Variants in ATP1A3 observed in about 807,000 individuals in gnomAD.
The protein encoded by ATP1A3 is sodium/potassium-transporting ATPase subunit alpha-3.
ATP1A3 carries 12 observed loss-of-function variants against 108.8 expected under a neutral mutation model. That is an observed-to-expected ratio of 0.11 (90% CI 0.07 to 0.18). The LOEUF (loss-of-function observed/expected upper bound fraction) is 0.18. ATP1A3 is among the 10% of genes least tolerant of loss of function. ATP1A3 has a pLI of 1.00. For missense variants in ATP1A3, 498 were observed against 1,387.7 expected (o/e 0.36, Z 10.19); for synonymous variants, 539 against 564.5 (o/e 0.95, Z 0.64).
rs1226907239 is a variant in ATP1A3 at position 41,985,355 on chromosome 19, G to A, written c.675C>T (p.Asn225=). 19 of 1,614,058 alleles carry A rather than the reference G, an allele frequency of 1.2e-5. No homozygotes were observed. Among genetic ancestry groups the A allele is most frequent in the Non-Finnish European group, 1.5e-5 (18 of 1,180,000 alleles). The change falls in exon 7 of 23, where the codon AAC becomes AAT. Residue 225 remains asparagine, a synonymous_variant. Coordinates refer to ENST00000648268, the MANE Select transcript of ATP1A3 (RefSeq NM_152296.5). The surrounding 1 kb of genome is among the most constrained non-coding windows in gnomAD (Gnocchi z 8.2). ...QTRSPDCTHD[N]PLETRNITFF... ...AGGTGATGTTCCGAGTCTCCAAGGG[G>A]TTGTCGTGAGTGCAGTCGGGAGAGC...
intron 16 of ATP1A3, among the ~76,000 whole-genome samples, chr19:41,972,878 G>A (rs1555860256): frequency 7.0e-6 from 1 of 143,144 alleles, no homozygotes; most frequent in Non-Finnish European, 1.5e-5. Context: ...AGGAAGGCAG[G>A]CAGGCAGGGA....
At chr19:41,986,482 G>A (rs782590063) in intron 4 of ATP1A3, 45 of 388,438 alleles carry the variant, frequency 1.2e-4, no homozygotes, top group Middle Eastern at 8.2e-4. Context: ...TCACTCTGTC[G>A]CCCAGGCTGG....
At chr19:41,975,849 C>T in intron 15 of ATP1A3, 52 bp from the exon 16 acceptor site, 1 of 1,611,594 alleles carries the variant, frequency 6.2e-7, no homozygotes, top group Non-Finnish European at 8.5e-7. Flanking sequence ...CCCAGAGTCC[C>T]CTCCCTCAGA....
intron 8 of ATP1A3, among the ~76,000 whole-genome samples, chr19:41,983,603 AATT>A (rs1196350965): frequency 6.7e-4 from 97 of 144,782 alleles, no homozygotes; most frequent in African/African-American, 2.2e-3. Flanking sequence ...TTATTATAAT[AATT>A]ATTATTATTA....
chr19:41,981,381 A>C lies in ATP1A3; in HGVS notation c.1437+121T>G. 6.7e-7 allele frequency: 1 copy of C among 1,486,856 alleles called. No homozygotes were observed. The highest frequency in any genetic ancestry group is 9.3e-7 in the Non-Finnish European group (1 of 1,072,866). The allele number at this position is 1,486,856 out of a possible 1,614,324, so 92.1% of individuals were successfully genotyped here. A position where few individuals can be genotyped will look rare whatever the true frequency, so the allele number is the denominator to read the frequency against. ...TCAAGCTCTCCCTGTTCCTCTCCCC[A>C]CCAGGCGGGTATTATCATTCCCATT... On this transcript the variant is annotated intron_variant, in intron 11 of 22. Coordinates refer to ENST00000648268, the MANE Select transcript of ATP1A3 (RefSeq NM_152296.5). This position sits in a 1 kb window ranked among gnomAD's most constrained non-coding sequence, Gnocchi z 5.0.
At chr19:41,972,909 G>A (rs1405721711) in intron 16 of ATP1A3, among the ~76,000 whole-genome samples, 2 of 151,056 alleles carry the variant, frequency 1.3e-5, no homozygotes, top group African/African-American at 4.9e-5. Flanking sequence ...GAGGAAGGGA[G>A]GGAGGGAGGG....
At chr19:41,983,932 G>A (rs1478633472) in intron 8 of ATP1A3, among the ~76,000 whole-genome samples, 3 of 151,470 alleles carry the variant, frequency 2.0e-5, no homozygotes, top group African/African-American at 4.8e-5. Flanking sequence ...CCATCACCAC[G>A]CCTGGCTAAT....
At chr19:41,991,105 A>G (rs1307036955) in intron 1 of ATP1A3, among the ~76,000 whole-genome samples, 2 of 141,442 alleles carry the variant, frequency 1.4e-5, no homozygotes, top group African/African-American at 2.7e-5. Context: ...GCGGATGGGG[A>G]GGGCAGTGTC....
At chr19:41,991,518 A>G (rs1568868921) in intron 1 of ATP1A3, among the ~76,000 whole-genome samples, 1 of 151,934 alleles carries the variant, frequency 6.6e-6, no homozygotes, top group Non-Finnish European at 1.5e-5. Flanking sequence ...CAGGATGGAG[A>G]GACATGGAGA....
chr19:41,970,379 A>C lies in ATP1A3; in HGVS notation c.2418+9T>G, dbSNP rs950336124. ...CTCCTGGGCCCCAAGGGTGGCTGCC[A>C]GGGCTCACCATGTCAGTGCCCAGAT... On this transcript the variant is annotated intron_variant, in intron 17 of 22. Transcript: ENST00000648268. The C allele has an allele frequency of 5.0e-6, 8 of 1,614,122 alleles. No homozygotes were observed. The African/African-American group carries it at 1.1e-4, about 22-fold the overall frequency.
In ATP1A3 at chr19:41,967,472, G is replaced by T; in HGVS notation, c.2922-132C>A. 8.1e-7 allele frequency: 1 copy of T among 1,236,070 alleles called. No homozygotes were observed. Among genetic ancestry groups the T allele is most frequent in the Non-Finnish European group, 1.1e-6 (1 of 887,414 alleles). The allele number at this position is 1,236,070 out of a possible 1,614,324, so 76.6% of individuals were successfully genotyped here. A position where few individuals can be genotyped will look rare whatever the true frequency, so the allele number is the denominator to read the frequency against. ...CTCACAGGTGGAGGGTGCCCTGGGC[G>T]GGGCTGGGGCCTGGGGTCTTCGGAG... is the stretch of plus-strand genomic sequence containing the variant. On this transcript the variant is annotated intron_variant, in intron 21 of 22. Transcript: ENST00000648268. The surrounding 1 kb of genome is among the most constrained non-coding windows in gnomAD (Gnocchi z 4.2).
chr19:41,967,580 G>T lies in ATP1A3; in HGVS notation c.2921+82C>A. 1 of 1,450,458 alleles carries T rather than the reference G, an allele frequency of 6.9e-7. No individual in the cohort carries two copies. Among genetic ancestry groups the T allele is most frequent in the Non-Finnish European group, 9.5e-7 (1 of 1,047,572 alleles). The allele number at this position is 1,450,458 out of a possible 1,614,324, so 89.8% of individuals were successfully genotyped here. A position where few individuals can be genotyped will look rare whatever the true frequency, so the allele number is the denominator to read the frequency against. ...CAGTGGGGACACCAGGGGAGGTGGG[G>T]CCTGAGGTTCAGGCTGAGTCTAAGG... On this transcript the variant is annotated intron_variant, in intron 21 of 22. Transcript: ENST00000648268. This position sits in a 1 kb window ranked among gnomAD's most constrained non-coding sequence, Gnocchi z 4.2.
chr19:41,971,488 G>T (rs868992059), intron 16 of ATP1A3, among the ~76,000 whole-genome samples: 1 of 152,114 alleles, frequency 6.6e-6, no homozygotes. Context: ...AGAGCCAAAA[G>T]CCAGAGTCAA....
chr19:41,978,129 C>T lies in ATP1A3; in HGVS notation c.1806+22G>A. ...CCCGCCCCACGCCTGGCTTTGCCTC[C>T]CCCAGCCACCCCAAGCCACACCTTG... On this transcript the variant is annotated intron_variant, in intron 13 of 22. Coordinates refer to ENST00000648268, the MANE Select transcript of ATP1A3 (RefSeq NM_152296.5). The surrounding 1 kb of genome is among the most constrained non-coding windows in gnomAD (Gnocchi z 8.3). The T allele has an allele frequency of 2.5e-6, 4 of 1,614,202 alleles. No individual in the cohort carries two copies. Among genetic ancestry groups the T allele is most frequent in the Non-Finnish European group, 3.4e-6 (4 of 1,180,036 alleles).
chr19:41,975,107 T>C (rs1427794801), intron 16 of ATP1A3, among the ~76,000 whole-genome samples: 1 of 151,900 alleles, frequency 6.6e-6, no homozygotes, highest in Non-Finnish European at 1.5e-5. Flanking sequence ...GCTGGAGTGC[T>C]GTGGCGCAAT....
rs1048572454 is a variant in ATP1A3, at chr19:41,966,841, G to T, written c.*96C>A. On this transcript the variant is annotated 3_prime_UTR_variant, in exon 23 of 23. Coordinates refer to ENST00000648268, the MANE Select transcript of ATP1A3 (RefSeq NM_152296.5). ...CCAAGGTGGGGCCACAGGAAGAGAGGGCTCCTCCCCCCAGAATACAAAATT... is the reference window on the plus strand; with the variant it reads ...CCAAGGTGGGGCCACAGGAAGAGAGTGCTCCTCCCCCCAGAATACAAAATT... 6.5e-7 allele frequency: 1 copy of T among 1,547,218 alleles called. No individual in the cohort carries two copies. Among genetic ancestry groups the T allele is most frequent in the Admixed American group, 2.0e-5 (1 of 50,902 alleles).
At chr19:41,971,519 G>A (rs1202674593) in intron 16 of ATP1A3, among the ~76,000 whole-genome samples, 2 of 152,172 alleles carry the variant, frequency 1.3e-5, no homozygotes, top group African/African-American at 4.8e-5. Flanking sequence ...ATCAACAGGT[G>A]AGGGATGAAT....
intron 16 of ATP1A3, 125 bp from the exon 17 acceptor site, chr19:41,970,667 T>C (rs1396005268): frequency 1.7e-6 from 2 of 1,191,798 alleles, no homozygotes; most frequent in Non-Finnish European, 1.1e-6. Flanking sequence ...AGTCTCGCTG[T>C]GTTGCCCAGG....
chr19:41,988,252 C>A lies in ATP1A3; in HGVS notation c.153+66G>T, dbSNP rs1009770946. ...GCCACAGCCCCTCCTCCCTCAGACC[C>A]AGGGGTCCTAGCCCCCAGCTCCTCC... On this transcript the variant is annotated intron_variant, in intron 3 of 22. Transcript: ENST00000648268. This position sits in a 1 kb window ranked among gnomAD's most constrained non-coding sequence, Gnocchi z 5.3. The A allele has an allele frequency of 1.3e-4, 205 of 1,613,086 alleles. No homozygotes were observed. The highest frequency in any genetic ancestry group is 1.7e-4 in the Non-Finnish European group (198 of 1,179,212).
Sources: allele counts gnomAD v4.1 joint callset (sites outside exome capture counted in the v4.1 genomes callset), GRCh38; gene constraint gnomAD v4.1.1; non-coding constraint Gnocchi (gnomAD v3.1); transcripts MANE v1.5; gene names NCBI Gene and HGNC (gene_info 2026-07-23, HGNC 2026-07-21).